The following KLF17 variants were observed in gnomAD, a reference collection of about 807,000 sequenced individuals.
KLF17 encodes the protein KLF transcription factor 17, also known as Krueppel-like factor 17.
A neutral mutation model predicts 34.2 loss-of-function variants in KLF17; 31 were observed. The observed-to-expected ratio is 0.91, with a 90% CI of 0.68 to 1.22. The LOEUF is 1.22. Ranked by LOEUF, KLF17 falls within the 50% of genes most tolerant of loss-of-function variation. The pLI, the probability that KLF17 is intolerant of heterozygous loss-of-function variation, is 0.00. For synonymous variants in KLF17, 179 were observed against 186.7 expected, an observed-to-expected ratio of 0.96 and a Z score of 0.34; for missense variants, 478 against 505.2, an observed-to-expected ratio of 0.95 and a Z score of 0.52.
chr1:44,065,543 G>A, the KLF17 span, among the ~76,000 whole-genome samples: 1 of 150,948 alleles, frequency 6.6e-6, no homozygotes, highest in East Asian at 2.0e-4. Context: ...CCGAGTAGAC[G>A]GGATTACAGT....
chr1:44,063,688 T>C, the KLF17 span, among the ~76,000 whole-genome samples: 1 of 152,338 alleles, frequency 6.6e-6, no homozygotes, highest in South Asian at 2.1e-4. Flanking sequence ...CTGCTTTTTA[T>C]GGGCAATTTT....
intron 1 of KLF17, chr1:44,122,512 T>C (rs2087959741): frequency 1.1e-6 from 1 of 925,638 alleles, no homozygotes; most frequent in Non-Finnish European, 1.8e-6. Flanking sequence ...ACGAGCTTCA[T>C]CCTAGCGGTG....
the KLF17 span, among the ~76,000 whole-genome samples, chr1:44,091,662 C>T: frequency 7.2e-6 from 1 of 139,066 alleles, no homozygotes; most frequent in Non-Finnish European, 1.6e-5. Flanking sequence ...AAAAGAAGAA[C>T]AAGAAAAGAA....
intron 1 of KLF17, among the ~76,000 whole-genome samples, chr1:44,126,013 T>G (rs976359555): frequency 3.5e-5 from 5 of 144,292 alleles, no homozygotes; most frequent in African/African-American, 1.5e-4. Flanking sequence ...AGGTTTTTTT[T>G]GTTTTGTTTT....
At chr1:44,115,294 C>A (rs586529), upstream of KLF17, 124,076 of 150,508 alleles carry the variant, frequency 0.82, 51,368 homozygotes, top group Non-Finnish European at 0.87. Context: ...TACACACACA[C>A]AAAAAAATTA....
chr1:44,122,165 A>G (rs1571985232), intron 1 of KLF17: 2 of 1,576,166 alleles, frequency 1.3e-6, no homozygotes, highest in Non-Finnish European at 8.7e-7. Context: ...ATCGCCTAGG[A>G]CCCCCTCTTC....
the KLF17 span, among the ~76,000 whole-genome samples, chr1:44,075,482 ATAT>A: frequency 2.0e-5 from 3 of 152,208 alleles, no homozygotes; most frequent in East Asian, 5.8e-4. Flanking sequence ...AGGTATTCAA[ATAT>A]TATTATTTGA....
chr1:44,099,918 A>AAAG, the KLF17 span, among the ~76,000 whole-genome samples: 9 of 71,664 alleles, frequency 1.3e-4, no homozygotes, highest in East Asian at 2.6e-3. Context: ...AGAAAGAAAG[A>AAAG]AAAGAAAGGG....
chr1:44,066,109 A>G, the KLF17 span, among the ~76,000 whole-genome samples: 1 of 152,110 alleles, frequency 6.6e-6, no homozygotes, highest in Non-Finnish European at 1.5e-5. Context: ...TTGAACTTAG[A>G]AGTTCCAGGC....
chr1:44,060,065 C>G, the KLF17 span, among the ~76,000 whole-genome samples: 1 of 152,096 alleles, frequency 6.6e-6, no homozygotes, highest in African/African-American at 2.4e-5. Flanking sequence ...TGTGTACCCC[C>G]CCAGGCTCAT....
chr1:44,047,700 A>G, the KLF17 span, among the ~76,000 whole-genome samples: 2 of 152,254 alleles, frequency 1.3e-5, no homozygotes, highest in East Asian at 3.9e-4. Flanking sequence ...TCGGGGTGCT[A>G]CTTCCTTCCT....
At chr1:44,128,352 G>GAC (rs1348930956) in intron 1 of KLF17, among the ~76,000 whole-genome samples, 9 of 152,242 alleles carry the variant, frequency 5.9e-5, no homozygotes, top group African/African-American at 1.7e-4. Flanking sequence ...CTGGACTACT[G>GAC]ACAGCTTTTA....
chr1:44,104,076 C>G, the KLF17 span: 2 of 914,874 alleles, frequency 2.2e-6, no homozygotes, highest in African/African-American at 1.6e-5. Flanking sequence ...CTGCAGCTCC[C>G]GGATCTTCTC....
At chr1:44,053,515 T>A in the KLF17 span, among the ~76,000 whole-genome samples, 1 of 152,058 alleles carries the variant, frequency 6.6e-6, no homozygotes, top group African/African-American at 2.4e-5. Flanking sequence ...TCAGCAGGCA[T>A]CCCTCCCCTT....
At chr1:44,098,577 G>A in the KLF17 span, among the ~76,000 whole-genome samples, 2 of 126,258 alleles carry the variant, frequency 1.6e-5, no homozygotes, top group East Asian at 4.8e-4. Context: ...CTGAGACTGA[G>A]TCTCGTCCTG....
At chr1:44,058,178 C>G in the KLF17 span, among the ~76,000 whole-genome samples, 2 of 152,342 alleles carry the variant, frequency 1.3e-5, no homozygotes, top group Non-Finnish European at 2.9e-5. Flanking sequence ...TCCTGGAGAC[C>G]TCAATCCTTG....
At chr1:44,070,192 T>C in the KLF17 span, among the ~76,000 whole-genome samples, 1 of 152,226 alleles carries the variant, frequency 6.6e-6, no homozygotes, top group Admixed American at 6.5e-5. Context: ...ATTTTTTAAG[T>C]GATTTTTTAA....
the KLF17 span, among the ~76,000 whole-genome samples, chr1:44,099,846 AAAG>A: frequency 0.36 from 34,473 of 96,928 alleles, 7,636 homozygotes; most frequent in South Asian, 0.42. Flanking sequence ...AGAAAGAAAG[AAAG>A]AAAGAAAGAA....
chr1:44,078,225 C>T, the KLF17 span, among the ~76,000 whole-genome samples: 2,832 of 152,284 alleles, frequency 0.019, 77 homozygotes, highest in African/African-American at 0.064. Flanking sequence ...TTGCCTTTCA[C>T]ATTTAGGTAG....
Sources: allele counts gnomAD v4.1 joint callset (sites outside exome capture counted in the v4.1 genomes callset), GRCh38; gene constraint gnomAD v4.1.1; transcripts MANE v1.5; gene names NCBI Gene and HGNC (gene_info 2026-07-23, HGNC 2026-07-21).